The following RNF180 variants were observed in gnomAD, a reference collection of about 807,000 sequenced individuals.
RNF180 encodes the protein ring finger protein 180, also known as E3 ubiquitin-protein ligase RNF180.
Under a neutral mutation model 59.2 loss-of-function variants are expected in RNF180, and 38 were observed. The ratio of observed to expected loss-of-function variants is 0.64; its 90% CI spans 0.50 to 0.84. The LOEUF (loss-of-function observed/expected upper bound fraction) is 0.84, where lower values mean the gene tolerates loss of function less well. Among genes scored for constraint, RNF180 ranks in the 40% least tolerant of loss-of-function variants. The pLI is 0.00. For missense variants in RNF180, 705 were observed against 700.9 expected (o/e 1.01, Z -0.07); for synonymous variants, 262 against 240.3 (o/e 1.09, Z -0.84).
At chr5:64,266,009 T>G (rs1744651259) in intron 5 of RNF180, among the ~76,000 whole-genome samples, 1 of 152,202 alleles carries the variant, frequency 6.6e-6, no homozygotes, top group Non-Finnish European at 1.5e-5. Flanking sequence ...ACTCATGATT[T>G]GGCTCACTGT....
At chr5:64,353,938 A>C (rs1745918021) in intron 7 of RNF180, among the ~76,000 whole-genome samples, 1 of 151,738 alleles carries the variant, frequency 6.6e-6, no homozygotes, top group South Asian at 2.1e-4. Flanking sequence ...TGAAAACAAA[A>C]ATATGGCATA....
intron 5 of RNF180, among the ~76,000 whole-genome samples, chr5:64,271,956 A>G (rs1310297150): frequency 2.0e-5 from 3 of 152,244 alleles, no homozygotes; most frequent in African/African-American, 4.8e-5. Flanking sequence ...GAAGAAAATC[A>G]GAATGCAGTA....
chr5:64,261,503 A>G (rs1744339466), intron 5 of RNF180, among the ~76,000 whole-genome samples: 1 of 152,106 alleles, frequency 6.6e-6, no homozygotes, highest in Admixed American at 6.6e-5. Context: ...CATATTCCTA[A>G]TACCAATGCC....
chr5:64,317,969 A>G (rs751385175), intron 5 of RNF180, among the ~76,000 whole-genome samples: 5 of 152,182 alleles, frequency 3.3e-5, no homozygotes, highest in Non-Finnish European at 7.3e-5. Context: ...AGTATTGACT[A>G]TCTCATGTAA....
At chr5:64,221,983 T>A (rs1207545150) in intron 5 of RNF180, among the ~76,000 whole-genome samples, 1 of 152,230 alleles carries the variant, frequency 6.6e-6, no homozygotes, top group East Asian at 1.9e-4. Context: ...TTTTACCTAA[T>A]AAGTCTTTTT....
chr5:64,334,404 A>G (rs1330668408), intron 7 of RNF180, among the ~76,000 whole-genome samples: 5 of 152,148 alleles, frequency 3.3e-5, no homozygotes, highest in Admixed American at 3.3e-4. Context: ...CACTGGTTGT[A>G]CAACAAATCT....
chr5:64,282,471 T>A (rs2112393462), intron 5 of RNF180, among the ~76,000 whole-genome samples: 1 of 152,260 alleles, frequency 6.6e-6, no homozygotes, highest in Non-Finnish European at 1.5e-5. Context: ...TAATCTTCCA[T>A]ATTCTTTCAA....
chr5:64,366,017 G>C (rs1051831492), intron 7 of RNF180, among the ~76,000 whole-genome samples: 1 of 151,346 alleles, frequency 6.6e-6, no homozygotes, highest in African/African-American at 2.4e-5. Flanking sequence ...CTGTTATGTT[G>C]TTAGTTGTTT....
chr5:64,268,328 A>G (rs1744806470), intron 5 of RNF180, among the ~76,000 whole-genome samples: 1 of 152,182 alleles, frequency 6.6e-6, no homozygotes, highest in Admixed American at 6.5e-5. Flanking sequence ...TTCCAGCCAG[A>G]TTATAAATTA....
intron 7 of RNF180, among the ~76,000 whole-genome samples, chr5:64,333,966 A>G (rs929159403): frequency 3.2e-4 from 48 of 152,204 alleles, no homozygotes; most frequent in African/African-American, 1.1e-3. Context: ...ATTTACTGCA[A>G]TAGTATAACC....
intron 5 of RNF180, among the ~76,000 whole-genome samples, chr5:64,287,210 C>G (rs1742333850): frequency 6.6e-6 from 1 of 152,140 alleles, no homozygotes. Flanking sequence ...CATGATCCAC[C>G]CACTTCGGCC....
chr5:64,354,463 T>A (rs1277366568), intron 7 of RNF180, among the ~76,000 whole-genome samples: 1 of 151,726 alleles, frequency 6.6e-6, no homozygotes, highest in Non-Finnish European at 1.5e-5. Context: ...AATCACAAAC[T>A]TCCCAAGAAA....
chr5:64,363,060 A>G (rs1746319284), intron 7 of RNF180, among the ~76,000 whole-genome samples: 1 of 151,156 alleles, frequency 6.6e-6, no homozygotes, highest in East Asian at 2.0e-4. Flanking sequence ...TATTCTGTTA[A>G]TAGTTTCTTT....
At chr5:64,239,374 A>C (rs1742655522) in intron 5 of RNF180, among the ~76,000 whole-genome samples, 1 of 152,180 alleles carries the variant, frequency 6.6e-6, no homozygotes, top group Admixed American at 6.5e-5. Flanking sequence ...AGCTTATTTC[A>C]GCTTTATAGA....
chr5:64,299,267 G>A (rs546021493), intron 5 of RNF180, among the ~76,000 whole-genome samples: 1 of 151,892 alleles, frequency 6.6e-6, no homozygotes, highest in South Asian at 2.1e-4. Context: ...TCAATTTATG[G>A]TATTTCTTTA....
At chr5:64,257,722 A>C (rs1191020428) in intron 5 of RNF180, among the ~76,000 whole-genome samples, 1 of 152,112 alleles carries the variant, frequency 6.6e-6, no homozygotes, top group Admixed American at 6.6e-5. Context: ...GGCCTCATAA[A>C]ATGAGTTAGG....
At chr5:64,336,309 T>TGG (rs1418686108) in intron 7 of RNF180, among the ~76,000 whole-genome samples, 5 of 152,206 alleles carry the variant, frequency 3.3e-5, no homozygotes, top group Admixed American at 6.5e-5. Context: ...TTTAGATCCA[T>TGG]CCAAGTGGTT....
At position 64,369,943 on chromosome 5, in the gene RNF180, C is replaced by A. The variant is rs1201758287; in HGVS notation, c.*129C>A. The stretch of plus-strand genomic sequence containing the variant: ...CAAATTGTTGATGTTTATAGAAAGC[C>A]TGAGAATAATGAATTTATTTATTAA... On this transcript the variant is annotated 3_prime_UTR_variant, in exon 8 of 8. Transcript: ENST00000389100. The A allele has an allele frequency of 3.8e-6, 2 of 528,582 alleles. No individual in the cohort carries two copies. The highest frequency in any genetic ancestry group is 3.7e-5 in the South Asian group (1 of 26,924). 32.7% of individuals were successfully genotyped at this position (528,582 alleles called of 1,614,324 possible). A position where few individuals can be genotyped will look rare whatever the true frequency, so the allele number is the denominator to read the frequency against.
intron 1 of RNF180, among the ~76,000 whole-genome samples, chr5:64,192,400 G>A (rs546840032): frequency 2.2e-4 from 33 of 152,206 alleles, no homozygotes; most frequent in Non-Finnish European, 4.6e-4. Context: ...GTTGCCAGGC[G>A]CAGTGGCTCA....
Sources: allele counts gnomAD v4.1 joint callset (sites outside exome capture counted in the v4.1 genomes callset), GRCh38; gene constraint gnomAD v4.1.1; transcripts MANE v1.5; gene names NCBI Gene and HGNC (gene_info 2026-07-23, HGNC 2026-07-21).